PCDHGA5: variants seen among roughly 807,000 people sequenced by gnomAD.
The protein encoded by PCDHGA5 is protocadherin gamma-A5.
Under a neutral mutation model 56.7 loss-of-function variants are expected in PCDHGA5, and 36 were observed. The observed-to-expected ratio is 0.64, with a 90% confidence interval of 0.49 to 0.84. The LOEUF is 0.84. Ranked by LOEUF, PCDHGA5 falls within the 40% of genes least tolerant of loss-of-function variation. PCDHGA5 has a pLI of 0.00. For synonymous variants in PCDHGA5, 563 were observed against 520.2 expected, an observed-to-expected ratio of 1.08 and a Z score of -1.12; for missense variants, 1,305 against 1,201.5, an observed-to-expected ratio of 1.09 and a Z score of -1.27.
intron 1 of PCDHGA5, chr5:141,410,309 T>G: frequency 6.2e-7 from 1 of 1,613,998 alleles, no homozygotes; most frequent in Non-Finnish European, 8.5e-7. Flanking sequence ...CTCAGTGCTC[T>G]TCCTCCTCGC....
rs147403131 is a variant in PCDHGA5, at chr5:141,368,659, C to A, written c.2421+1908C>A. 4.1e-3 allele frequency among the ~76,000 whole-genome samples: 617 copies of A among 152,246 alleles called. 6 individuals are homozygous for A. The highest frequency in any genetic ancestry group is 0.011 in the Admixed American group (171 of 15,302). On this transcript the variant is annotated intron_variant, in intron 1 of 3. Coordinates refer to ENST00000518069, the MANE Select transcript of PCDHGA5 (RefSeq NM_018918.3). ...AATGTTTTGTGCAATGGAAAAATATCTTTAAACCCTCTATAAACTACTAAC... is the reference window on the plus strand; with the variant it reads ...AATGTTTTGTGCAATGGAAAAATATATTTAAACCCTCTATAAACTACTAAC...
chr5:141,425,242 G>A (rs2096863400), intron 1 of PCDHGA5, among the ~76,000 whole-genome samples: 1 of 152,128 alleles, frequency 6.6e-6, no homozygotes, highest in South Asian at 2.1e-4. Context: ...TAAATAAAAA[G>A]GATATGAGGT....
rs756594174 is a variant in PCDHGA5, at chr5:141,364,981, C to T, written c.651C>T (p.Gly217=). ...ACCTCCTCCTCACAGCTTTAGATGG[C>T]GGAGACCCGGTACTCTCCGGCACCA... ...VHDLLLTALD[G]GDPVLSGTTH... is the part of the protein sequence containing the mutation. The change falls in exon 1 of 4, where the codon GGC becomes GGT. Residue 217 remains glycine, a synonymous_variant. Coordinates refer to ENST00000518069, the MANE Select transcript of PCDHGA5 (RefSeq NM_018918.3). The T allele has an allele frequency of 4.3e-6, 7 of 1,613,884 alleles. No individual in the cohort carries two copies. The highest frequency in any genetic ancestry group is 5.9e-6 in the Non-Finnish European group (7 of 1,179,882).
chr5:141,389,191 T>A, intron 1 of PCDHGA5: 1 of 1,614,050 alleles, frequency 6.2e-7, no homozygotes, highest in Non-Finnish European at 8.5e-7. Context: ...AGTTCCAGCA[T>A]CACCCTGCAC....
At chr5:141,399,350 G>T (rs746925566) in intron 1 of PCDHGA5, 2 of 1,613,964 alleles carry the variant, frequency 1.2e-6, no homozygotes, top group East Asian at 2.2e-5. Flanking sequence ...ACCCTAGACC[G>T]AGAGCAAACC....
In PCDHGA5 at chr5:141,511,502, A is replaced by G. The variant is rs953158220; in HGVS notation, c.*329A>G. ...CTGAACTCCTCCATCTTCCAAATCAATCAGGCCCATCCATCCCATGCCTCC... is the reference window on the plus strand; with the variant it reads ...CTGAACTCCTCCATCTTCCAAATCAGTCAGGCCCATCCATCCCATGCCTCC... On this transcript the variant is annotated 3_prime_UTR_variant, in exon 4 of 4. Transcript: ENST00000518069. The G allele has an allele frequency of 1.3e-5, 5 of 395,150 alleles. No homozygotes were observed. Among genetic ancestry groups the G allele is most frequent in the African/African-American group, 1.0e-4 (5 of 48,770 alleles). The allele number at this position is 395,150 out of a possible 1,614,324, so 24.5% of individuals were successfully genotyped here.
chr5:141,404,658 C>T, intron 1 of PCDHGA5: 2 of 1,614,198 alleles, frequency 1.2e-6, no homozygotes, highest in Non-Finnish European at 1.7e-6. Context: ...GCCCTCCCCA[C>T]TGATGGTTCT....
chr5:141,386,377 T>G (rs535243472), intron 1 of PCDHGA5, among the ~76,000 whole-genome samples: 33 of 152,286 alleles, frequency 2.2e-4, no homozygotes, highest in African/African-American at 7.9e-4. Flanking sequence ...CTTTGAGTAT[T>G]AATTAAAAAC....
chr5:141,433,359 C>CTATCTATCTATA, intron 1 of PCDHGA5: 1 of 228,708 alleles, frequency 4.4e-6, no homozygotes, highest in South Asian at 4.1e-5. Context: ...TACTGTCTGC[C>CTATCTATCTATA]TATCTATCTA....
At chr5:141,399,798 G>C in intron 1 of PCDHGA5, 1 of 1,613,236 alleles carries the variant, frequency 6.2e-7, no homozygotes, top group Non-Finnish European at 8.5e-7. Flanking sequence ...ACGCACCGCG[G>C]GTGCTGTACC....
intron 1 of PCDHGA5, among the ~76,000 whole-genome samples, chr5:141,435,011 A>G (rs2097737147): frequency 6.6e-6 from 1 of 152,126 alleles, no homozygotes; most frequent in African/African-American, 2.4e-5. Flanking sequence ...TTTATCAATG[A>G]TAATGCTCTT....
At chr5:141,422,209 C>G (rs1463323983) in intron 1 of PCDHGA5, 1 of 1,561,666 alleles carries the variant, frequency 6.4e-7, no homozygotes, top group East Asian at 2.2e-5. Context: ...TGGTGGAGGT[C>G]TCTTTACCAC....
intron 1 of PCDHGA5, chr5:141,378,802 CA>C (rs1201523670): frequency 1.3e-5 from 2 of 152,134 alleles, no homozygotes; most frequent in African/African-American, 2.4e-5. Context: ...CTGAAATGTG[CA>C]AACAGAATCA....
chr5:141,479,806 G>A (rs1188862048), intron 1 of PCDHGA5, among the ~76,000 whole-genome samples: 1 of 152,182 alleles, frequency 6.6e-6, no homozygotes, highest in Non-Finnish European at 1.5e-5. Context: ...AGGGTGGTAT[G>A]CAAGGATACT....
In PCDHGA5 at chr5:141,375,801, C is replaced by T; in HGVS notation, c.2421+9050C>T. ...CCCGCCCTCCCCACAGACGGTTCCA[C>T]TGGCGTGGAGCTGGCGCCCCGCTCC... On this transcript the variant is annotated intron_variant, in intron 1 of 3. Transcript: ENST00000518069. The T allele has an allele frequency of 2.5e-6, 4 of 1,614,248 alleles. No homozygotes were observed. The East Asian group carries it at 8.9e-5, about 36-fold the overall frequency.
rs1235728365 is a variant in PCDHGA5 at position 141,485,502 on chromosome 5, C to T, written c.2422-9305C>T. ...TGCATCGTGCCCCTGGAGTTTGTCACCGAAGGTCCTTTGGAAATGTACCGA... is the reference window on the plus strand; with the variant it reads ...TGCATCGTGCCCCTGGAGTTTGTCATCGAAGGTCCTTTGGAAATGTACCGA... On this transcript the variant is annotated intron_variant, in intron 1 of 3. Transcript: ENST00000518069. This position sits in a 1 kb window ranked among gnomAD's most constrained non-coding sequence, Gnocchi z 5.7. 2 of 1,614,114 alleles carry T rather than the reference C, an allele frequency of 1.2e-6. No homozygotes were observed. Among genetic ancestry groups the T allele is most frequent in the Non-Finnish European group, 8.5e-7 (1 of 1,180,044 alleles).
At chr5:141,394,552 G>T (rs368792885) in intron 1 of PCDHGA5, 4 of 1,614,070 alleles carry the variant, frequency 2.5e-6, no homozygotes, top group East Asian at 4.5e-5. Flanking sequence ...CTGGCGCCCC[G>T]CTCCGCAGAG....
intron 1 of PCDHGA5, chr5:141,413,841 T>A: frequency 6.2e-7 from 1 of 1,613,060 alleles, no homozygotes; most frequent in Non-Finnish European, 8.5e-7. Flanking sequence ...CCGACGGGGG[T>A]GACCCTCTCC....
At chr5:141,468,953 T>G (rs182999574) in intron 1 of PCDHGA5, among the ~76,000 whole-genome samples, 1,938 of 89,156 alleles carry the variant, frequency 0.022, 22 homozygotes, top group Non-Finnish European at 0.033. Flanking sequence ...AAACCTGTGG[T>G]TTTTTTTACC....
Sources: allele counts gnomAD v4.1 joint callset (sites outside exome capture counted in the v4.1 genomes callset), GRCh38; gene constraint gnomAD v4.1.1; non-coding constraint Gnocchi (gnomAD v3.1); transcripts MANE v1.5; gene names NCBI Gene and HGNC (gene_info 2026-07-23, HGNC 2026-07-21).